VWC2: variants seen among roughly 807,000 people sequenced by gnomAD.
VWC2 encodes von Willebrand factor C domain containing 2, also known as brorin.
VWC2 carries 14 observed loss-of-function variants against 29.8 expected under a neutral mutation model. The observed-to-expected ratio is 0.47, with a 90% confidence interval of 0.31 to 0.74. The LOEUF is 0.74. Ranked by LOEUF, VWC2 falls within the 30% of genes least tolerant of loss-of-function variation. VWC2 has a pLI of 0.05. For missense variants in VWC2, 457 were observed against 459.8 expected (o/e 0.99, Z 0.05); for synonymous variants, 213 against 199.0 (o/e 1.07, Z -0.59).
chr7:49,884,122 G>T (rs1210206839), intron 3 of VWC2, among the ~76,000 whole-genome samples: 1 of 152,202 alleles, frequency 6.6e-6, no homozygotes, highest in Admixed American at 6.5e-5. Context: ...AGAGGAAGGG[G>T]TTCCTGCAGT....
At chr7:49,865,533 T>G (rs1391607160) in intron 3 of VWC2, among the ~76,000 whole-genome samples, 1 of 152,228 alleles carries the variant, frequency 6.6e-6, no homozygotes, top group Non-Finnish European at 1.5e-5. Context: ...GTTCCTCACC[T>G]TCCCATAAGC....
At position 49,776,005 on chromosome 7, in the gene VWC2, C is replaced by T; in HGVS notation, c.570C>T (p.Pro190=). Residue 190 remains proline (P), a synonymous_variant, in exon 2 of 4, where the codon CCC becomes CCT. Transcript: ENST00000340652. Reference sequence around the variant, plus strand: ...AGGAGGGGCCGCTGTGCGCGCAGCCCGAGTGCCCGAGGCTGCACCCGCGCT... The same window carrying T: ...AGGAGGGGCCGCTGTGCGCGCAGCCTGAGTGCCCGAGGCTGCACCCGCGCT... The part of the protein sequence containing the change: ...CTEEGPLCAQ[P]ECPRLHPRCI... The T allele has an allele frequency of 6.5e-7, 1 of 1,544,408 alleles. No homozygotes were observed. The highest frequency in any genetic ancestry group is 8.7e-7 in the Non-Finnish European group (1 of 1,149,256).
chr7:49,790,022 G>A (rs374187330), intron 2 of VWC2, among the ~76,000 whole-genome samples: 36 of 152,332 alleles, frequency 2.4e-4, no homozygotes, highest in African/African-American at 7.5e-4. Flanking sequence ...GCAGATTCCA[G>A]ACTGCCCATC....
chr7:49,849,433 G>A (rs908359781), intron 3 of VWC2, among the ~76,000 whole-genome samples: 2 of 152,218 alleles, frequency 1.3e-5, no homozygotes, highest in Non-Finnish European at 2.9e-5. Flanking sequence ...CAGCTCTGCT[G>A]GGAGCAGACT....
At chr7:49,859,597 T>C (rs1410003950) in intron 3 of VWC2, among the ~76,000 whole-genome samples, 1 of 152,260 alleles carries the variant, frequency 6.6e-6, no homozygotes, top group East Asian at 1.9e-4. Context: ...CATTGACGTC[T>C]GGGCTTTCCA....
Position 49,775,691 on chromosome 7 carries a change from G to A in VWC2, c.256G>A (p.Gly86Ser), listed in dbSNP as rs1788035792. The stretch of plus-strand genomic sequence containing the variant: ...GAGCAAGAGCGGCCGTGGGCTCGCC[G>A]GCCGTGAGCCGTGGAGCAAGCTGAA... ...WKSKSGRGLA[G>S]REPWSKLKQA... The change falls in exon 2 of 4, where the codon GGC becomes AGC. Residue 86 changes from glycine to serine, a missense_variant. This residue lies in a region of VWC2 where 272 missense variants were observed against 202.7 expected (regional missense o/e 1.34). Coordinates refer to ENST00000340652, the MANE Select transcript of VWC2 (RefSeq NM_198570.5). 1.3e-6 allele frequency: 2 copies of A among 1,522,654 alleles called. No individual in the cohort carries two copies. Among genetic ancestry groups the A allele is most frequent in the South Asian group, 2.5e-5 (2 of 80,506 alleles). The allele number at this position is 1,522,654 out of a possible 1,614,324, so 94.3% of individuals were successfully genotyped here.
rs562983145 is a variant in VWC2 at position 49,775,861 on chromosome 7, C to A, written c.426C>A (p.Pro142=). The A allele has an allele frequency of 1.9e-6, 3 of 1,555,054 alleles. No homozygotes were observed. The African/African-American group carries it at 4.1e-5, about 21-fold the overall frequency. Residue 142 remains proline, a synonymous_variant, in exon 2 of 4, where the codon CCC becomes CCA. Transcript: ENST00000340652. ...AACTCGCGCCCACGCCCGAGCCACC[C>A]GAGGAGTACGTGTACCCGGACTACC... ...GPELAPTPEP[P]EEYVYPDYRG...
At chr7:49,863,161 T>C (rs1790728666) in intron 3 of VWC2, among the ~76,000 whole-genome samples, 1 of 152,232 alleles carries the variant, frequency 6.6e-6, no homozygotes, top group Non-Finnish European at 1.5e-5. Context: ...AGGTGTTTTG[T>C]TATTTTTCTT....
chr7:49,781,805 A>T (rs1250748239), intron 2 of VWC2, among the ~76,000 whole-genome samples: 1 of 152,204 alleles, frequency 6.6e-6, no homozygotes, highest in Non-Finnish European at 1.5e-5. Context: ...GTCATATTTG[A>T]CTTGGCCATC....
At chr7:49,789,183 G>A (rs1352224669) in intron 2 of VWC2, among the ~76,000 whole-genome samples, 1 of 150,504 alleles carries the variant, frequency 6.6e-6, no homozygotes, top group East Asian at 2.0e-4. Context: ...TAGCATGTGT[G>A]TGGGTGCATG....
intron 3 of VWC2, among the ~76,000 whole-genome samples, chr7:49,851,870 T>G (rs1360476832): frequency 6.8e-6 from 1 of 147,424 alleles, no homozygotes; most frequent in Non-Finnish European, 1.5e-5. Flanking sequence ...AAAAAAAAAG[T>G]CCACTACAAA....
intron 3 of VWC2, among the ~76,000 whole-genome samples, chr7:49,850,695 C>A (rs1237601055): frequency 6.6e-6 from 1 of 152,254 alleles, no homozygotes; most frequent in Admixed American, 6.5e-5. Flanking sequence ...CAGTGTCAGA[C>A]AACTTGTGTT....
chr7:49,843,295 C>A (rs759443598), intron 3 of VWC2, among the ~76,000 whole-genome samples: 1 of 152,130 alleles, frequency 6.6e-6, no homozygotes, highest in Non-Finnish European at 1.5e-5. Flanking sequence ...TGGGTGAGCC[C>A]CTTTCCTGAT....
At chr7:49,823,524 C>T (rs528669123) in intron 3 of VWC2, among the ~76,000 whole-genome samples, 1 of 152,140 alleles carries the variant, frequency 6.6e-6, no homozygotes, top group Non-Finnish European at 1.5e-5. Flanking sequence ...GATCCCTGGA[C>T]ATTGGGCATT....
At chr7:49,787,352 A>G (rs959794835) in intron 2 of VWC2, among the ~76,000 whole-genome samples, 12 of 152,266 alleles carry the variant, frequency 7.9e-5, no homozygotes, top group African/African-American at 2.7e-4. Flanking sequence ...GTATGCTTTT[A>G]AAAAAGAGAG....
In VWC2 at chr7:49,916,671, G is replaced by T. The variant is rs936150837; in HGVS notation, c.*4486G>T. 1 of 152,162 alleles carries T rather than the reference G, an allele frequency of 6.6e-6. No homozygotes were observed. Among genetic ancestry groups the T allele is most frequent in the Non-Finnish European group, 1.5e-5 (1 of 68,030 alleles). The allele number at this position is 152,162 out of a possible 1,614,324, so 9.4% of individuals were successfully genotyped here. A position where few individuals can be genotyped will look rare whatever the true frequency, so the allele number is the denominator to read the frequency against. On this transcript the variant is annotated 3_prime_UTR_variant, in exon 4 of 4. Transcript: ENST00000340652. Reference sequence around the variant, plus strand: ...CTATATGTTAAAGGCTTGTTGAATTGTATTCCATCTATTAGTTCAGAGTTA... The same window carrying T: ...CTATATGTTAAAGGCTTGTTGAATTTTATTCCATCTATTAGTTCAGAGTTA...
Position 49,775,416 on chromosome 7 carries a change from C to T in VWC2, c.-20C>T, listed in dbSNP as rs754706778. ...TCGGCCGCGCTCCCCGCCCGCCCGC[C>T]CGCCGGGACGTGGTAGGGGATGCCC... On this transcript the variant is annotated 5_prime_UTR_variant, in exon 2 of 4. Coordinates refer to ENST00000340652, the MANE Select transcript of VWC2 (RefSeq NM_198570.5). 12 of 1,316,516 alleles carry T rather than the reference C, an allele frequency of 9.1e-6. No individual in the cohort carries two copies. Among genetic ancestry groups the T allele is most frequent in the Non-Finnish European group, 1.2e-5 (12 of 1,030,002 alleles). 81.6% of individuals were successfully genotyped at this position (1,316,516 alleles called of 1,614,324 possible).
At chr7:49,876,162 G>C (rs1205864064) in intron 3 of VWC2, among the ~76,000 whole-genome samples, 1 of 152,178 alleles carries the variant, frequency 6.6e-6, no homozygotes, top group Admixed American at 6.5e-5. Context: ...TGTCTTGGCT[G>C]TATAAGAACT....
At chr7:49,803,460 G>C (rs910629038) in intron 3 of VWC2, among the ~76,000 whole-genome samples, 4 of 152,230 alleles carry the variant, frequency 2.6e-5, no homozygotes, top group African/African-American at 9.7e-5. Context: ...TGCATACCCA[G>C]GCTGGCTGGG....
Sources: gnomAD v4.1 joint callset for allele counts (sites outside exome capture counted in the v4.1 genomes callset) on GRCh38, gnomAD v4.1.1 for gene constraint, gnomAD v4.1.1 regional missense constraint, MANE v1.5 for transcripts, NCBI Gene and HGNC (gene_info 2026-07-23, HGNC 2026-07-21) for gene names.